Variants in NABP2 observed in about 807,000 individuals in gnomAD.
NABP2 encodes the protein nucleic acid binding protein 2.
NABP2 carries 7 observed loss-of-function variants against 22.7 expected under a neutral mutation model. The observed-to-expected ratio is 0.31, with a 90% CI of 0.18 to 0.58. The LOEUF is 0.58. Among genes scored for constraint, NABP2 ranks in the 20% least tolerant of loss-of-function variants. NABP2 has a pLI of 0.89. For missense variants in NABP2, 188 were observed against 265.9 expected (o/e 0.71, Z 2.04); for synonymous variants, 107 against 99.2 (o/e 1.08, Z -0.47).
intron 1 of NABP2, 114 bp from the exon 2 acceptor site, chr12:56,224,720 T>G: frequency 9.7e-7 from 1 of 1,028,428 alleles, no homozygotes; most frequent in Non-Finnish European, 1.5e-6. Flanking sequence ...TTAGAAGGGT[T>G]AGAGGGGTTG....
chr12:56,225,514 A>T lies in NABP2; in HGVS notation c.218+3A>T, dbSNP rs1480648242. On this transcript the variant is annotated splice_donor_region_variant and intron_variant, in intron 3 of 6. Coordinates refer to ENST00000267023, the MANE Select transcript of NABP2 (RefSeq NM_024068.4). ...GACATTATCCGGCTCACCAAAGGGT[A>T]AGTCAGCTGGTGACTTCTGGCCTTC... 1.2e-6 allele frequency: 2 copies of T among 1,614,256 alleles called. No homozygotes were observed. Among genetic ancestry groups the T allele is most frequent in the South Asian group, 2.2e-5 (2 of 91,090 alleles).
In NABP2 at chr12:56,229,349, TC is replaced by T; in HGVS notation, c.*138del. 1.2e-6 allele frequency: 1 copy of T among 851,556 alleles called. No individual in the cohort carries two copies. The highest frequency in any genetic ancestry group is 1.8e-6 in the Non-Finnish European group (1 of 542,028). 52.8% of individuals were successfully genotyped at this position (851,556 alleles called of 1,614,324 possible). A position where few individuals can be genotyped will look rare whatever the true frequency, so the allele number is the denominator to read the frequency against. On this transcript the variant is annotated 3_prime_UTR_variant, in exon 7 of 7. Coordinates refer to ENST00000267023, the MANE Select transcript of NABP2 (RefSeq NM_024068.4). ...TGGAGGGTGGTGAGCAGTGTCCTTA[TC>T]CACCCTAATCTCATACTCCCTCATT...
rs1308010052 is a variant in NABP2 at position 56,226,184 on chromosome 12, G to C, written c.296G>C (p.Cys99Ser). The C allele has an allele frequency of 8.1e-6, 13 of 1,613,958 alleles. No individual in the cohort carries two copies. Among genetic ancestry groups the C allele is most frequent in the Non-Finnish European group, 1.1e-5 (13 of 1,180,000 alleles). The change falls in exon 5 of 7, where the codon TGT becomes TCT. Residue 99 changes from cysteine to serine, a missense_variant. Coordinates refer to ENST00000267023, the MANE Select transcript of NABP2 (RefSeq NM_024068.4). ...GGDLQKIGEF[C>S]MVYSEVPNFS... ...GCTACTTTCTTCCCTTGCAGATTCT[G>C]TATGGTTTATTCTGAGGTTCCTAAC...
chr12:56,224,589 C>T, intron 1 of NABP2, 148 bp downstream of exon 1: 2 of 1,220,212 alleles, frequency 1.6e-6, no homozygotes, highest in Non-Finnish European at 2.1e-6. Flanking sequence ...CGCCACTTCG[C>T]GGCTTGAGAC....
At chr12:56,225,002 G>A in intron 2 of NABP2, 67 bp downstream of exon 2, 1 of 1,230,672 alleles carries the variant, frequency 8.1e-7, no homozygotes, top group Non-Finnish European at 1.2e-6. Context: ...AACGCTGTCT[G>A]CGTTCTTAAC....
chr12:56,227,103 A>T (rs980977505), intron 6 of NABP2, among the ~76,000 whole-genome samples: 5 of 150,226 alleles, frequency 3.3e-5, no homozygotes, highest in Non-Finnish European at 5.9e-5. Context: ...GGCTGGGCGC[A>T]GTGGCTCATG....
At position 56,229,087 on chromosome 12, in the gene NABP2, T is replaced by TGGCGCCCCCC; in HGVS notation, c.510_511insGGCGCCCCCC (p.Pro171GlyfsTer33). Reference sequence around the variant, plus strand: ...GTGGTGGCCCACATCCCCCTCATACTCCCTCCCACCCACCCAGCACCCGAA... The same window carrying TGGCGCCCCCC: ...GTGGTGGCCCACATCCCCCTCATACTGGCGCCCCCCCCCTCCCACCCACCCAGCACCCGAA... On this transcript the variant is annotated frameshift_variant, in exon 7 of 7. Coordinates refer to ENST00000267023, the MANE Select transcript of NABP2 (RefSeq NM_024068.4). LOFTEE classifies it high-confidence loss of function. 1.3e-6 allele frequency: 2 copies of TGGCGCCCCCC among 1,512,340 alleles called. No homozygotes were observed. The highest frequency in any genetic ancestry group is 1.8e-6 in the Non-Finnish European group (2 of 1,102,008). The allele number at this position is 1,512,340 out of a possible 1,614,324, so 93.7% of individuals were successfully genotyped here.
upstream of NABP2, chr12:56,224,312 G>A (rs922325229): frequency 7.1e-6 from 7 of 987,442 alleles, no homozygotes; most frequent in Non-Finnish European, 7.2e-6. Flanking sequence ...GCCGGAGGAG[G>A]CCAGCCGGGG....
At chr12:56,222,634 A>T (rs1869548220), upstream of NABP2, among the ~76,000 whole-genome samples, 1 of 152,212 alleles carries the variant, frequency 6.6e-6, no homozygotes, top group Non-Finnish European at 1.5e-5. Context: ...GATCCAAGGG[A>T]AGTCAATGTG....
At chr12:56,228,532 G>A (rs1348411389) in intron 6 of NABP2, among the ~76,000 whole-genome samples, 3 of 151,782 alleles carry the variant, frequency 2.0e-5, no homozygotes, top group Non-Finnish European at 4.4e-5. Context: ...GATTACAGGC[G>A]CCTGCCACCA....
chr12:56,224,776 T>C, intron 1 of NABP2, 58 bp from the exon 2 acceptor site: 3 of 1,462,462 alleles, frequency 2.1e-6, no homozygotes, highest in Middle Eastern at 1.8e-4. Flanking sequence ...CCTTGGGAAG[T>C]GGAGCATGGG....
At chr12:56,228,821 G>T (rs192626850) in intron 6 of NABP2, among the ~76,000 whole-genome samples, 193 bp from the exon 7 acceptor site, 1 of 152,298 alleles carries the variant, frequency 6.6e-6, no homozygotes, top group East Asian at 1.9e-4. Flanking sequence ...CTTCCTAAAT[G>T]ATCGTGTAAG....
At chr12:56,224,471 G>C in intron 1 of NABP2, 30 bp downstream of exon 1, 2 of 1,056,808 alleles carry the variant, frequency 1.9e-6, no homozygotes, top group Non-Finnish European at 2.3e-6. Flanking sequence ...TAGGGGAGGG[G>C]ATGGACCGAG....
intron 2 of NABP2, 31 bp downstream of exon 2, chr12:56,224,966 A>C: frequency 1.3e-6 from 1 of 793,124 alleles, no homozygotes; most frequent in Non-Finnish European, 2.0e-6. Flanking sequence ...GGTTCGCGGG[A>C]TGGGGGTCGG....
At position 56,226,171 on chromosome 12, in the gene NABP2, C is replaced by T. The variant is rs369821925; in HGVS notation, c.291-8C>T. 2 of 1,613,782 alleles carry T rather than the reference C, an allele frequency of 1.2e-6. No individual in the cohort carries two copies. Among genetic ancestry groups the T allele is most frequent in the Admixed American group, 1.7e-5 (1 of 59,990 alleles). The stretch of plus-strand genomic sequence containing the variant: ...ATTCAAGGCTTTAGCTACTTTCTTC[C>T]CTTGCAGATTCTGTATGGTTTATTC... On this transcript the variant is annotated splice_region_variant and splice_polypyrimidine_tract_variant and intron_variant, in intron 4 of 6. Transcript: ENST00000267023.
rs1321456052 is a variant in NABP2, at chr12:56,226,070, A to T, written c.291-109A>T. 3 of 952,922 alleles carry T rather than the reference A, an allele frequency of 3.1e-6. No individual in the cohort carries two copies. In the East Asian group the frequency reaches 7.5e-5, roughly 24 times the overall value. The allele number at this position is 952,922 out of a possible 1,614,324, so 59.0% of individuals were successfully genotyped here. A position where few individuals can be genotyped will look rare whatever the true frequency, so the allele number is the denominator to read the frequency against. On this transcript the variant is annotated intron_variant, in intron 4 of 6. Coordinates refer to ENST00000267023, the MANE Select transcript of NABP2 (RefSeq NM_024068.4). ...TCCCGCTTCTGCCTCCCAAAGTGCT[A>T]GGATTACAGGTGTGAGTGACCACAC...
At position 56,227,958 on chromosome 12, in the gene NABP2, C is replaced by A. The variant is rs994240142; in HGVS notation, c.437-1056C>A. On this transcript the variant is annotated intron_variant, in intron 6 of 6. Coordinates refer to ENST00000267023, the MANE Select transcript of NABP2 (RefSeq NM_024068.4). ...CTGTAATCCCAGCACTTTGGGAGGC[C>A]GAGGTGGGTGGATCACCTGAGGCTG... 8.5e-5 allele frequency among the ~76,000 whole-genome samples: 13 copies of A among 152,182 alleles called. No homozygotes were observed. In the East Asian group the frequency reaches 1.2e-3, roughly 14 times the overall value.
At chr12:56,224,333 G>C (rs1869653872), upstream of NABP2, 3 of 987,330 alleles carry the variant, frequency 3.0e-6, no homozygotes, top group Non-Finnish European at 3.6e-6. Context: ...GAAACTTCCG[G>C]GAATGTCCGC....
chr12:56,225,380 G>C lies in NABP2; in HGVS notation c.87G>C (p.Val29=). ...LIFIVLETGR[V]TKTKDGHEVR... is the part of the protein sequence containing the mutation. ...TTTATCTGTTCCGTTCAGGCCGAGTGACCAAGACAAAGGACGGGCATGAGG... is the reference window on the plus strand; with the variant it reads ...TTTATCTGTTCCGTTCAGGCCGAGTCACCAAGACAAAGGACGGGCATGAGG... Residue 29 remains valine, a synonymous_variant, in exon 3 of 7, where the codon GTG becomes GTC. Coordinates refer to ENST00000267023, the MANE Select transcript of NABP2 (RefSeq NM_024068.4). The C allele has an allele frequency of 6.2e-7, 1 of 1,614,196 alleles. No individual in the cohort carries two copies. Among genetic ancestry groups the C allele is most frequent in the Non-Finnish European group, 8.5e-7 (1 of 1,180,040 alleles).
Sources: gnomAD v4.1 joint callset for allele counts (sites outside exome capture counted in the v4.1 genomes callset) on GRCh38, gnomAD v4.1.1 for gene constraint, MANE v1.5 for transcripts, NCBI Gene and HGNC (gene_info 2026-07-23, HGNC 2026-07-21) for gene names.